Variants in INSR observed in about 807,000 individuals in gnomAD.
INSR encodes the protein IR.
Under a neutral mutation model 142.6 loss-of-function variants are expected in INSR, and 67 were observed. That is an observed-to-expected ratio of 0.47 (90% CI 0.39 to 0.58). INSR has a LOEUF of 0.58. Among genes scored for constraint, INSR ranks in the 20% least tolerant of loss-of-function variants. The probability of loss-of-function intolerance (pLI) is 0.00; values close to 1 mark genes in which losing one functional copy is unlikely to be tolerated. For synonymous variants in INSR, 756 were observed against 743.1 expected (o/e 1.02, Z -0.28); for missense variants, 1,248 against 1,833.2 (o/e 0.68, Z 5.83).
intron 2 of INSR, among the ~76,000 whole-genome samples, chr19:7,191,394 C>T (rs1974585696): frequency 7.0e-6 from 1 of 143,672 alleles, no homozygotes; most frequent in Admixed American, 6.8e-5. Context: ...AGAAAAGCCA[C>T]TCGGGGTGGC....
intron 2 of INSR, among the ~76,000 whole-genome samples, chr19:7,228,739 T>G (rs552745207): frequency 2.6e-4 from 39 of 152,222 alleles, no homozygotes; most frequent in Non-Finnish European, 4.9e-4. Flanking sequence ...CCCTGTCCCC[T>G]ATGCTACAAA....
chr19:7,249,317 C>T (rs1976635353), intron 2 of INSR, among the ~76,000 whole-genome samples: 1 of 152,172 alleles, frequency 6.6e-6, no homozygotes, highest in African/African-American at 2.4e-5. Flanking sequence ...TTTTCTCACC[C>T]CAGTAAAATT....
At chr19:7,144,361 TC>T (rs1973140167) in intron 11 of INSR, among the ~76,000 whole-genome samples, 1 of 152,128 alleles carries the variant, frequency 6.6e-6, no homozygotes, top group African/African-American at 2.4e-5. Flanking sequence ...TGTAAAATAT[TC>T]CATTTGCTAC....
At chr19:7,248,465 G>A (rs570842505) in intron 2 of INSR, among the ~76,000 whole-genome samples, 34 of 111,404 alleles carry the variant, frequency 3.1e-4, no homozygotes, top group African/African-American at 1.1e-3. Flanking sequence ...CAGCCTGGGC[G>A]ACAGAGGGAG....
At chr19:7,163,508 C>T (rs1043988212) in intron 8 of INSR, among the ~76,000 whole-genome samples, 9 of 151,020 alleles carry the variant, frequency 6.0e-5, no homozygotes, top group African/African-American at 1.7e-4. Context: ...TGCAGTGAGC[C>T]GAGATTGCGC....
At chr19:7,163,903 C>A (rs1973822578) in intron 8 of INSR, among the ~76,000 whole-genome samples, 1 of 115,220 alleles carries the variant, frequency 8.7e-6, no homozygotes, top group African/African-American at 3.5e-5. Flanking sequence ...ACCTGGCCAA[C>A]ATGGTGAAAC....
intron 1 of INSR, among the ~76,000 whole-genome samples, chr19:7,269,003 T>C (rs553756566): frequency 7.0e-4 from 104 of 149,246 alleles, no homozygotes; most frequent in African/African-American, 2.5e-3. Context: ...ATTGAAGTCT[T>C]TAGATGGCTT....
At chr19:7,242,734 C>CAAAAAAAAAAAAAA (rs71177186) in intron 2 of INSR, among the ~76,000 whole-genome samples, 2 of 92,154 alleles carry the variant, frequency 2.2e-5, no homozygotes, top group Non-Finnish European at 1.9e-5. Context: ...GAGACTGCCT[C>CAAAAAAAAAAAAAA]AAAAAAAAAA....
At chr19:7,201,913 G>A (rs1287402086) in intron 2 of INSR, among the ~76,000 whole-genome samples, 1 of 151,908 alleles carries the variant, frequency 6.6e-6, no homozygotes, top group Non-Finnish European at 1.5e-5. Context: ...CACCCGCCTC[G>A]GCCTCCCAAA....
chr19:7,167,255 G>A (rs1233114627), intron 7 of INSR, among the ~76,000 whole-genome samples: 2 of 152,164 alleles, frequency 1.3e-5, no homozygotes, highest in Non-Finnish European at 2.9e-5. Flanking sequence ...AAGGCACAAG[G>A]TAAATCTTGA....
At position 7,260,843 on chromosome 19, in the gene INSR, G is replaced by A. The variant is rs567599485; in HGVS notation, c.652+6502C>T. 3.2e-4 allele frequency among the ~76,000 whole-genome samples: 48 copies of A among 151,502 alleles called. 1 individual carries two copies. Among genetic ancestry groups the A allele is most frequent in the African/African-American group, 1.1e-3 (44 of 41,246 alleles). ...GCTTGTGACCAGTCAATGGTAAAAC[G>A]AGACTGGAAGCCGGTGCTGCTTGCC... On this transcript the variant is annotated intron_variant, in intron 2 of 21. Coordinates refer to ENST00000302850, the MANE Select transcript of INSR (RefSeq NM_000208.4).
chr19:7,124,540 GGAAAAAAAA>G (rs1972576554), intron 17 of INSR, among the ~76,000 whole-genome samples: 1 of 10,810 alleles, frequency 9.3e-5, no homozygotes, highest in African/African-American at 3.9e-4. Flanking sequence ...CTCCGTTTCA[GGAAAAAAAA>G]AAAAAAAAAA....
chr19:7,259,865 G>A (rs556364221), intron 2 of INSR, among the ~76,000 whole-genome samples: 6 of 151,752 alleles, frequency 4.0e-5, no homozygotes, highest in South Asian at 2.1e-4. Flanking sequence ...CAAGTCCAGC[G>A]TGGTGGCTCA....
intron 3 of INSR, among the ~76,000 whole-genome samples, chr19:7,184,068 A>T (rs28497247): frequency 0.011 from 1,721 of 151,022 alleles, 82 homozygotes; most frequent in African/African-American, 0.039. Context: ...CTCAAAAAAA[A>T]AAAAAAAGAA....
chr19:7,208,099 C>A (rs58857770), intron 2 of INSR, among the ~76,000 whole-genome samples: 1 of 151,808 alleles, frequency 6.6e-6, no homozygotes, highest in Non-Finnish European at 1.5e-5. Flanking sequence ...CGAACTTCTG[C>A]TTCTTGGAAC....
intron 2 of INSR, among the ~76,000 whole-genome samples, chr19:7,266,605 G>A (rs916819427): frequency 2.6e-5 from 4 of 151,910 alleles, no homozygotes; most frequent in African/African-American, 9.7e-5. Context: ...GGTTGGTCTC[G>A]AACTCCTGAC....
chr19:7,282,613 C>T (rs952903395), intron 1 of INSR, among the ~76,000 whole-genome samples: 6 of 151,484 alleles, frequency 4.0e-5, no homozygotes, highest in East Asian at 1.9e-4. Flanking sequence ...ACCCTGGAGG[C>T]GGAGGTTGCA....
At chr19:7,131,252 G>GAAAGGATC (rs1358340430) in intron 14 of INSR, among the ~76,000 whole-genome samples, 1 of 151,854 alleles carries the variant, frequency 6.6e-6, no homozygotes, top group Non-Finnish European at 1.5e-5. Context: ...TGAGAAGAGG[G>GAAAGGATC]AAAGGATCAA....
Position 7,134,651 on chromosome 19 carries a change from G to C in INSR, c.2683-2334C>G, listed in dbSNP as rs922611314. Among the ~76,000 whole-genome samples, 4 of 151,940 alleles carry C rather than the reference G, an allele frequency of 2.6e-5. No individual in the cohort carries two copies. In the East Asian group the frequency reaches 7.8e-4, roughly 30 times the overall value. The stretch of plus-strand genomic sequence containing the variant: ...GTGGTGGTGTGCGCCTGTAATCCCA[G>C]CTACTCGAGAGGCTGAGGCAGGAGA... On this transcript the variant is annotated intron_variant, in intron 13 of 21. Coordinates refer to ENST00000302850, the MANE Select transcript of INSR (RefSeq NM_000208.4).
Sources: gnomAD v4.1 joint callset for allele counts (sites outside exome capture counted in the v4.1 genomes callset) on GRCh38, gnomAD v4.1.1 for gene constraint, MANE v1.5 for transcripts, NCBI Gene and HGNC (gene_info 2026-07-23, HGNC 2026-07-21) for gene names.